TMEM131: variants seen among roughly 807,000 people sequenced by gnomAD.
TMEM131 encodes 2610524E03Rik.
A neutral mutation model predicts 211.6 loss-of-function variants in TMEM131; 66 were observed. That is an observed-to-expected ratio of 0.31 (90% CI 0.26 to 0.38). TMEM131 has a LOEUF of 0.38. TMEM131 is among the 10% of genes least tolerant of loss of function. The pLI, the probability that TMEM131 is intolerant of heterozygous loss-of-function variation, is 1.00. For missense variants in TMEM131, 2,036 were observed against 2,299.3 expected (o/e 0.89, Z 2.34); for synonymous variants, 844 against 841.3 (o/e 1.00, Z -0.06).
At chr2:97,826,582 G>T (rs1369494139) in intron 11 of TMEM131, among the ~76,000 whole-genome samples, 1 of 151,422 alleles carries the variant, frequency 6.6e-6, no homozygotes, top group East Asian at 1.9e-4. Flanking sequence ...GTCAGAGAGA[G>T]AGAGGAAGAG....
chr2:97,875,891 G>C (rs1674672689), intron 4 of TMEM131, among the ~76,000 whole-genome samples: 1 of 152,120 alleles, frequency 6.6e-6, no homozygotes, highest in African/African-American at 2.4e-5. Context: ...AGGAGATAGA[G>C]ACACAAAAAA....
chr2:97,865,002 T>C (rs920511081), intron 4 of TMEM131, among the ~76,000 whole-genome samples: 4 of 152,214 alleles, frequency 2.6e-5, no homozygotes, highest in Admixed American at 1.3e-4. Context: ...GGAAGACACC[T>C]TTGTCCCACG....
chr2:97,858,000 T>TA (rs1673917520), intron 5 of TMEM131, among the ~76,000 whole-genome samples: 1 of 152,240 alleles, frequency 6.6e-6, no homozygotes, highest in Non-Finnish European at 1.5e-5. Flanking sequence ...AACTTTTTAT[T>TA]ACCAGAAGTA....
Position 97,796,305 on chromosome 2 carries a change from C to T in TMEM131, c.3113G>A (p.Gly1038Glu). Residue 1038 changes from glycine to glutamate, a missense_variant, in exon 28 of 41, where the codon GGA becomes GAA. Gly to Glu is a moderately conservative substitution (Grantham distance 98, BLOSUM62 -2). Around this residue, in one of 3 missense-constraint regions of TMEM131, gnomAD observed 1,623 missense variants for 1,805.9 expected, o/e 0.90. Transcript: ENST00000186436. ...QIHIETIEIS[G>E]YSCEGYGFKV... The stretch of plus-strand genomic sequence containing the variant: ...AAAGCCATATCCTTCACATGAGTAT[C>T]CACTGATTTCAATGGTTTCTATGTG... The T allele has an allele frequency of 6.4e-7, 1 of 1,562,602 alleles. No homozygotes were observed. The highest frequency in any genetic ancestry group is 1.2e-5 in the South Asian group (1 of 83,518).
chr2:97,928,730 T>C (rs1559454199), intron 1 of TMEM131, among the ~76,000 whole-genome samples: 2 of 151,798 alleles, frequency 1.3e-5, no homozygotes, highest in Non-Finnish European at 2.9e-5. Flanking sequence ...GATGCCACTA[T>C]ACATGTACAC....
chr2:97,801,333 C>T lies in TMEM131; in HGVS notation c.2718+562G>A, dbSNP rs549627738. ...CCTTACATTAGGTCTTATTTAATAA[C>T]GTGTGGTTAGTGGTTGCTCAGCCTG... is the stretch of plus-strand genomic sequence containing the variant. On this transcript the variant is annotated intron_variant, in intron 25 of 40. Coordinates refer to ENST00000186436, the MANE Select transcript of TMEM131 (RefSeq NM_015348.2). Among the ~76,000 whole-genome samples, 127 of 152,348 alleles carry T rather than the reference C, an allele frequency of 8.3e-4. No homozygotes were observed. In the South Asian group the frequency reaches 0.011, roughly 14 times the overall value.
chr2:97,924,474 C>A (rs911386064), intron 2 of TMEM131, among the ~76,000 whole-genome samples: 1 of 152,126 alleles, frequency 6.6e-6, no homozygotes, highest in Admixed American at 6.5e-5. Flanking sequence ...ACATGGGGGT[C>A]CACTGGCCCT....
At chr2:97,773,933 C>T (rs1471837623) in intron 32 of TMEM131, among the ~76,000 whole-genome samples, 2 of 152,156 alleles carry the variant, frequency 1.3e-5, no homozygotes, top group Non-Finnish European at 1.5e-5. Context: ...TACGGAAGCA[C>T]TGGCAGGGAC....
intron 32 of TMEM131, among the ~76,000 whole-genome samples, chr2:97,773,371 C>T (rs915834913): frequency 6.6e-6 from 1 of 152,168 alleles, no homozygotes; most frequent in Non-Finnish European, 1.5e-5. Context: ...GAGGGAGACA[C>T]ACGACAGACG....
At chr2:97,898,648 AT>A (rs1053354819) in intron 3 of TMEM131, among the ~76,000 whole-genome samples, 3 of 152,176 alleles carry the variant, frequency 2.0e-5, no homozygotes, top group Non-Finnish European at 4.4e-5. Flanking sequence ...AGACTTCCAG[AT>A]TCCAAACTGT....
intron 1 of TMEM131, among the ~76,000 whole-genome samples, chr2:97,936,523 G>A (rs1389590979): frequency 6.6e-6 from 1 of 152,196 alleles, no homozygotes; most frequent in African/African-American, 2.4e-5. Context: ...CAAAGATGGG[G>A]AGAATTACTG....
At chr2:97,942,523 A>G (rs1480200312) in intron 1 of TMEM131, among the ~76,000 whole-genome samples, 2 of 151,980 alleles carry the variant, frequency 1.3e-5, no homozygotes, top group Non-Finnish European at 2.9e-5. Flanking sequence ...AACAGGGAGC[A>G]TTACTAATGC....
chr2:97,862,030 G>C (rs1417460226), intron 4 of TMEM131, among the ~76,000 whole-genome samples: 1 of 152,216 alleles, frequency 6.6e-6, no homozygotes, highest in Admixed American at 6.5e-5. Flanking sequence ...TCAGCACAGA[G>C]AGAGAGAGAC....
At chr2:97,765,987 G>T in intron 35 of TMEM131, 127 bp downstream of exon 35, 1 of 1,199,476 alleles carries the variant, frequency 8.3e-7, no homozygotes, top group Non-Finnish European at 1.2e-6. Flanking sequence ...GTTAACAATG[G>T]GCTCTTAGCT....
At chr2:97,932,480 A>G (rs1677269551) in intron 1 of TMEM131, among the ~76,000 whole-genome samples, 1 of 152,230 alleles carries the variant, frequency 6.6e-6, no homozygotes, top group Non-Finnish European at 1.5e-5. Flanking sequence ...GCTAATGCCC[A>G]TGTTGTTTAC....
chr2:97,894,812 G>A (rs979265941), intron 3 of TMEM131, among the ~76,000 whole-genome samples: 3 of 152,160 alleles, frequency 2.0e-5, no homozygotes, highest in African/African-American at 7.2e-5. Context: ...CATTTCATCT[G>A]CGAACAGAGA....
intron 25 of TMEM131, 85 bp downstream of exon 25, chr2:97,801,810 G>A (rs919213744): frequency 4.0e-6 from 4 of 997,596 alleles, no homozygotes; most frequent in Admixed American, 6.2e-5. Flanking sequence ...CCAAATTTAA[G>A]AGTAGCCAAT....
intron 1 of TMEM131, among the ~76,000 whole-genome samples, chr2:97,941,430 T>C (rs1677720474): frequency 6.6e-6 from 1 of 152,186 alleles, no homozygotes; most frequent in South Asian, 2.1e-4. Context: ...ACTTCATGAC[T>C]AAAACACCAA....
intron 1 of TMEM131, among the ~76,000 whole-genome samples, chr2:97,992,237 G>C (rs994486070): frequency 4.6e-5 from 7 of 152,186 alleles, no homozygotes; most frequent in Non-Finnish European, 1.0e-4. Context: ...AACACTCCTA[G>C]TCAATTTGGC....
Sources: gnomAD v4.1 joint callset for allele counts (sites outside exome capture counted in the v4.1 genomes callset) on GRCh38, gnomAD v4.1.1 for gene constraint, gnomAD v4.1.1 regional missense constraint, MANE v1.5 for transcripts, NCBI Gene and HGNC (gene_info 2026-07-23, HGNC 2026-07-21) for gene names.